The following WAPL variants were observed in gnomAD, a reference collection of about 807,000 sequenced individuals.
WAPL encodes the protein WAPL cohesin release factor, also known as wings apart-like protein homolog.
In WAPL, 5 loss-of-function variants were observed where a neutral mutation model predicts 121.0. The observed-to-expected ratio is 0.04, with a 90% CI of 0.02 to 0.09. The LOEUF (loss-of-function observed/expected upper bound fraction) is 0.09. Ranked by LOEUF, WAPL falls within the 10% of genes least tolerant of loss-of-function variation. The pLI, the probability that WAPL is intolerant of heterozygous loss-of-function variation, is 1.00. For synonymous variants in WAPL, 480 were observed against 481.5 expected (o/e 1.00, Z 0.04); for missense variants, 999 against 1,410.8 (o/e 0.71, Z 4.68).
chr10:86,452,071 T>G lies in WAPL; in HGVS notation c.3010A>C (p.Asn1004His). Reference sequence around the variant, plus strand: ...TCAAAAGAGCACGATGTTTCCATGTTGACAAGACAGTGCCGATTCCGAGCA... The same window carrying G: ...TCAAAAGAGCACGATGTTTCCATGTGGACAAGACAGTGCCGATTCCGAGCA... Reference protein sequence around the residue: ...YSARNRHCLVNMETSCSFDSS... With the variant: ...YSARNRHCLVHMETSCSFDSS... The change falls in exon 15 of 19, where the codon AAC becomes CAC. Residue 1004 changes from asparagine (N) to histidine (H), a missense_variant. Coordinates refer to ENST00000298767, the MANE Select transcript of WAPL (RefSeq NM_015045.5). The G allele has an allele frequency of 6.2e-7, 1 of 1,614,138 alleles. No homozygotes were observed.
At chr10:86,482,947 T>C (rs1025941657) in intron 4 of WAPL, among the ~76,000 whole-genome samples, 3 of 152,198 alleles carry the variant, frequency 2.0e-5, no homozygotes, top group African/African-American at 4.8e-5. Context: ...TACAGAGTTA[T>C]GTACCACATA....
intron 2 of WAPL, among the ~76,000 whole-genome samples, chr10:86,510,931 T>C (rs1842451393): frequency 6.6e-6 from 1 of 152,100 alleles, no homozygotes; most frequent in Non-Finnish European, 1.5e-5. Flanking sequence ...TGGGCTCAAG[T>C]GATCCTCAAC....
chr10:86,492,965 G>A (rs936698762), intron 4 of WAPL, among the ~76,000 whole-genome samples: 2 of 152,014 alleles, frequency 1.3e-5, no homozygotes, highest in Non-Finnish European at 2.9e-5. Context: ...GGAGGCTGAG[G>A]CGGGAGAATG....
At chr10:86,443,002 C>T (rs558504519) in intron 17 of WAPL, among the ~76,000 whole-genome samples, 130 of 143,968 alleles carry the variant, frequency 9.0e-4, no homozygotes, top group Middle Eastern at 3.6e-3. Context: ...GAGATTGCGC[C>T]ACTGCACTCC....
At position 86,517,815 on chromosome 10, in the gene WAPL, A is replaced by C; in HGVS notation, c.255T>G (p.Ser85=). ...ACTTAACCTGGGCTAAATTCTTTGA[A>C]GAAACTGGTAGAGACTCATCATCAC... ...FDSDDESLPV[S]SKNLAQVKCS... is the part of the protein sequence containing the mutation. The change falls in exon 2 of 19, where the codon TCT becomes TCG. Residue 85 remains serine (S), a synonymous_variant. Coordinates refer to ENST00000298767, the MANE Select transcript of WAPL (RefSeq NM_015045.5). 6.2e-7 allele frequency: 1 copy of C among 1,614,230 alleles called. No homozygotes were observed.
At chr10:86,509,498 G>A (rs143674584) in intron 2 of WAPL, among the ~76,000 whole-genome samples, 124 of 152,124 alleles carry the variant, frequency 8.2e-4, no homozygotes, top group African/African-American at 2.9e-3. Context: ...CTACACTCCC[G>A]CACCACTCTA....
chr10:86,448,928 T>A (rs1840902436), intron 15 of WAPL, among the ~76,000 whole-genome samples: 1 of 152,236 alleles, frequency 6.6e-6, no homozygotes, highest in Admixed American at 6.5e-5. Flanking sequence ...GGCCTGCACA[T>A]TTATTTTGAT....
At chr10:86,448,745 G>C (rs1403205996) in intron 15 of WAPL, among the ~76,000 whole-genome samples, 1 of 152,030 alleles carries the variant, frequency 6.6e-6, no homozygotes, top group East Asian at 1.9e-4. Context: ...CTCCCAAATA[G>C]CTGGGACTAC....
chr10:86,511,677 T>C (rs1286885381), intron 2 of WAPL, among the ~76,000 whole-genome samples: 53 of 152,216 alleles, frequency 3.5e-4, no homozygotes, highest in Non-Finnish European at 1.5e-5. Flanking sequence ...CTCATGCCTG[T>C]AATCCCAACA....
chr10:86,520,297 A>AAAT (rs924323359), intron 1 of WAPL, among the ~76,000 whole-genome samples: 3 of 152,186 alleles, frequency 2.0e-5, no homozygotes, highest in Admixed American at 2.0e-4. Flanking sequence ...CTCCGTCTCA[A>AAAT]AATAATAATA....
chr10:86,458,625 T>C (rs1841204239), intron 12 of WAPL, among the ~76,000 whole-genome samples: 1 of 152,194 alleles, frequency 6.6e-6, no homozygotes, highest in South Asian at 2.1e-4. Flanking sequence ...ATATGTATTT[T>C]TAATATACAC....
intron 4 of WAPL, among the ~76,000 whole-genome samples, chr10:86,495,631 A>G (rs1406902547): frequency 1.3e-5 from 2 of 152,250 alleles, no homozygotes; most frequent in East Asian, 3.8e-4. Flanking sequence ...AATTTATTGG[A>G]TATGACACCA....
At chr10:86,493,874 T>C (rs11202043) in intron 4 of WAPL, among the ~76,000 whole-genome samples, 39,038 of 152,000 alleles carry the variant, frequency 0.26, 5,893 homozygotes, top group South Asian at 0.44. Context: ...ATGGTGGCGC[T>C]TGCCTGTAGT....
chr10:86,444,414 A>C (rs1439387589), intron 16 of WAPL, among the ~76,000 whole-genome samples: 2 of 152,252 alleles, frequency 1.3e-5, no homozygotes, highest in South Asian at 2.1e-4. Flanking sequence ...AAAAAGCTAA[A>C]AAGCAGAAAC....
At position 86,472,387 on chromosome 10, in the gene WAPL, A is replaced by G; in HGVS notation, c.1894-43T>C. The G allele has an allele frequency of 6.3e-7, 1 of 1,580,008 alleles. No homozygotes were observed. On this transcript the variant is annotated intron_variant, in intron 6 of 18. Coordinates refer to ENST00000298767, the MANE Select transcript of WAPL (RefSeq NM_015045.5). This position sits in a 1 kb window ranked among gnomAD's most constrained non-coding sequence, Gnocchi z 4.2. ...GTTCACCCCTTTTTAACTAGGAACT[A>G]GCATATTTAAATCTATGGGCTCACT...
Position 86,446,369 on chromosome 10 carries a change from C to A in WAPL, c.3195G>T (p.Gln1065His), listed in dbSNP as rs753558720. ...CTTGCCACTCTCCACTCTTATCATG[C>A]TGAGTGGTGGGAGCATCTTTGATCA... Reference protein sequence around the residue: ...DELIKDAPTTQHDKSGEWQET... With the variant: ...DELIKDAPTTHHDKSGEWQET... Residue 1065 changes from glutamine (Q) to histidine (H), a missense_variant, in exon 16 of 19, where the codon CAG (glutamine) becomes CAT (histidine). Physicochemically the swap from Gln to His is conservative, Grantham distance 24. Coordinates refer to ENST00000298767, the MANE Select transcript of WAPL (RefSeq NM_015045.5). 1 of 1,614,050 alleles carries A rather than the reference C, an allele frequency of 6.2e-7. No individual in the cohort carries two copies. The highest frequency in any genetic ancestry group is 8.5e-7 in the Non-Finnish European group (1 of 1,180,036).
intron 4 of WAPL, among the ~76,000 whole-genome samples, chr10:86,487,872 G>A (rs982573963): frequency 6.6e-6 from 1 of 152,126 alleles, no homozygotes; most frequent in Non-Finnish European, 1.5e-5. Context: ...TCCAGCCTGG[G>A]CAACAGAGCA....
intron 3 of WAPL, among the ~76,000 whole-genome samples, chr10:86,499,253 T>C (rs555444924): frequency 2.6e-5 from 4 of 152,324 alleles, no homozygotes; most frequent in South Asian, 2.1e-4. Flanking sequence ...GCTGTACCTT[T>C]AGATAAGGTG....
intron 4 of WAPL, among the ~76,000 whole-genome samples, chr10:86,477,547 A>G (rs1425208752): frequency 6.6e-6 from 1 of 152,204 alleles, no homozygotes; most frequent in Non-Finnish European, 1.5e-5. Context: ...TCATGCCTGT[A>G]ATCCCAGCAT....
Sources: allele counts gnomAD v4.1 joint callset (sites outside exome capture counted in the v4.1 genomes callset), GRCh38; gene constraint gnomAD v4.1.1; non-coding constraint Gnocchi (gnomAD v3.1); transcripts MANE v1.5; gene names NCBI Gene and HGNC (gene_info 2026-07-23, HGNC 2026-07-21).